INTS2: variants seen among roughly 807,000 people sequenced by gnomAD.
The protein encoded by INTS2 is KIAA1287.
INTS2 carries 57 observed loss-of-function variants against 139.6 expected under a neutral mutation model. The observed-to-expected ratio is 0.41, with a 90% CI of 0.33 to 0.51. The LOEUF (loss-of-function observed/expected upper bound fraction) is 0.51. Among genes scored for constraint, INTS2 ranks in the 20% least tolerant of loss-of-function variants. INTS2 has a pLI of 0.28. For synonymous variants in INTS2, 473 were observed against 493.4 expected (o/e 0.96, Z 0.55); for missense variants, 1,196 against 1,436.7 (o/e 0.83, Z 2.71).
intron 3 of INTS2, among the ~76,000 whole-genome samples, chr17:61,923,300 A>T (rs1031679367): frequency 3.3e-5 from 5 of 150,774 alleles, no homozygotes; most frequent in Admixed American, 1.3e-4. Context: ...ACACGGTGAA[A>T]CCCCGTCTCT....
chr17:61,869,481 G>A lies in INTS2; in HGVS notation c.3031-101C>T. ...ATTTCATTTCCTTTCTGTAAAAATT[G>A]CTCAGAAGGCTATAGTGCCCCATAT... On this transcript the variant is annotated intron_variant, in intron 21 of 24. Coordinates refer to ENST00000251334, the MANE Select transcript of INTS2 (RefSeq NM_001351695.2). The surrounding 1 kb of genome is among the most constrained non-coding windows in gnomAD (Gnocchi z 5.4). The A allele has an allele frequency of 1.0e-6, 1 of 963,466 alleles. No homozygotes were observed. The allele number at this position is 963,466 out of a possible 1,614,324, so 59.7% of individuals were successfully genotyped here.
intron 4 of INTS2, 117 bp downstream of exon 4, chr17:61,921,608 C>A: frequency 2.2e-6 from 1 of 463,694 alleles, no homozygotes; most frequent in Non-Finnish European, 3.9e-6. Context: ...CTTAAAATCA[C>A]ATAACATGTT....
At chr17:61,877,728 A>G (rs2079137995) in intron 18 of INTS2, among the ~76,000 whole-genome samples, 159 bp downstream of exon 18, 1 of 152,226 alleles carries the variant, frequency 6.6e-6, no homozygotes, top group Non-Finnish European at 1.5e-5. Flanking sequence ...TAAAGATATA[A>G]CAACTATTTA....
rs2079044030 is a variant in INTS2, at chr17:61,866,139, C to A, written c.*1418G>T. On this transcript the variant is annotated 3_prime_UTR_variant, in exon 25 of 25. Transcript: ENST00000251334. ...CAGCACTTTGGGAGGCCAAGGTGGG[C>A]AGATCACCTGAGGCCAGGAGTTCAA... 1.3e-5 allele frequency: 2 copies of A among 152,208 alleles called. No homozygotes were observed. The highest frequency in any genetic ancestry group is 4.8e-5 in the African/African-American group (2 of 41,394). 9.4% of individuals were successfully genotyped at this position (152,208 alleles called of 1,614,324 possible).
Position 61,927,903 on chromosome 17 carries a change from A to T in INTS2, c.-268T>A, listed in dbSNP as rs760461199. On this transcript the variant is annotated 5_prime_UTR_variant, in exon 1 of 25. Coordinates refer to ENST00000251334, the MANE Select transcript of INTS2 (RefSeq NM_001351695.2). ...AGAACCGGGACTGTAGGAACGGAAA[A>T]GCGGGAGACTTTTTCAACCTGCACC... 1 of 1,613,954 alleles carries T rather than the reference A, an allele frequency of 6.2e-7. No individual in the cohort carries two copies. Among genetic ancestry groups the T allele is most frequent in the Non-Finnish European group, 8.5e-7 (1 of 1,179,862 alleles).
Position 61,875,707 on chromosome 17 carries a change from A to C in INTS2, c.2457-669T>G, listed in dbSNP as rs554865167. ...AAAGAAAGCTTTTACTTTGAAAAAGATTAAAATATACAAACAGAAAAAAAG... is the reference window on the plus strand; with the variant it reads ...AAAGAAAGCTTTTACTTTGAAAAAGCTTAAAATATACAAACAGAAAAAAAG... On this transcript the variant is annotated intron_variant, in intron 18 of 24. Transcript: ENST00000251334. The surrounding 1 kb of genome is among the most constrained non-coding windows in gnomAD (Gnocchi z 4.6). 6.6e-6 allele frequency among the ~76,000 whole-genome samples: 1 copy of C among 152,180 alleles called. No homozygotes were observed. Among genetic ancestry groups the C allele is most frequent in the African/African-American group, 2.4e-5 (1 of 41,456 alleles).
At position 61,927,961 on chromosome 17, in the gene INTS2, C is replaced by A. The variant is rs749509515; in HGVS notation, c.-326G>T. On this transcript the variant is annotated 5_prime_UTR_variant, in exon 1 of 25. Transcript: ENST00000251334. ...TTCATTCATCCCCAGCGTCTGACTCCCGTCGGCCACCGTACTGGTCTGAGA... is the reference window on the plus strand; with the variant it reads ...TTCATTCATCCCCAGCGTCTGACTCACGTCGGCCACCGTACTGGTCTGAGA... 2.0e-5 allele frequency: 32 copies of A among 1,613,788 alleles called. No individual in the cohort carries two copies. Among genetic ancestry groups the A allele is most frequent in the Non-Finnish European group, 2.7e-5 (32 of 1,179,832 alleles).
chr17:61,916,518 T>G (rs2079584481), intron 5 of INTS2, among the ~76,000 whole-genome samples: 1 of 152,172 alleles, frequency 6.6e-6, no homozygotes, highest in Non-Finnish European at 1.5e-5. Flanking sequence ...CATCTGATCT[T>G]CAACAAAGTT....
Position 61,881,146 on chromosome 17 carries a change from G to A in INTS2, c.2115C>T (p.Leu705=), listed in dbSNP as rs201059683. 27 of 1,613,208 alleles carry A rather than the reference G, an allele frequency of 1.7e-5. No individual in the cohort carries two copies. The highest frequency in any genetic ancestry group is 2.1e-5 in the Non-Finnish European group (25 of 1,179,580). ...ATAAATGTGGGTAGTTAGTAGCAAGGAGACGTAGTAAAGCTGAATGCAACC... is the reference window on the plus strand; with the variant it reads ...ATAAATGTGGGTAGTTAGTAGCAAGAAGACGTAGTAAAGCTGAATGCAACC... The part of the protein sequence containing the change: ...LGGLHSALLR[L]LATNYPHLCI... The change falls in exon 17 of 25, where the codon CTC becomes CTT. Residue 705 remains leucine, a synonymous_variant. Coordinates refer to ENST00000251334, the MANE Select transcript of INTS2 (RefSeq NM_001351695.2).
Position 61,893,750 on chromosome 17 carries a change from T to C in INTS2, c.1698+15A>G, listed in dbSNP as rs748577126. 1.3e-6 allele frequency: 2 copies of C among 1,547,926 alleles called. No individual in the cohort carries two copies. The highest frequency in any genetic ancestry group is 2.3e-5 in the East Asian group (1 of 42,612). ...AGGGGCATGCTTTTATTTTGTTTTA[T>C]TTGTAGGGGCATACTTTTATTGACA... On this transcript the variant is annotated intron_variant, in intron 13 of 24. Coordinates refer to ENST00000251334, the MANE Select transcript of INTS2 (RefSeq NM_001351695.2). The surrounding 1 kb of genome is among the most constrained non-coding windows in gnomAD (Gnocchi z 5.4).
intron 13 of INTS2, 109 bp from the exon 14 acceptor site, chr17:61,891,798 C>A: frequency 1.3e-6 from 1 of 781,146 alleles, no homozygotes; most frequent in South Asian, 2.2e-5. Flanking sequence ...GTAAAACTCA[C>A]TATTAACTTT....
intron 5 of INTS2, among the ~76,000 whole-genome samples, chr17:61,914,337 A>G (rs367587583): frequency 1.3e-5 from 2 of 152,194 alleles, no homozygotes; most frequent in African/African-American, 4.8e-5. Context: ...CAAGCGGACC[A>G]CTTTAGCCCA....
chr17:61,922,352 TAGCTACTC>T (rs72435538), intron 3 of INTS2, among the ~76,000 whole-genome samples: 29,000 of 149,124 alleles, frequency 0.19, 4,914 homozygotes, highest in African/African-American at 0.45. Context: ...TCTGTAATCT[TAGCTACTC>T]AGGAGGCTGA....
chr17:61,874,757 C>A (rs1434891033), intron 19 of INTS2, among the ~76,000 whole-genome samples, 156 bp downstream of exon 19: 1 of 152,030 alleles, frequency 6.6e-6, no homozygotes, highest in East Asian at 1.9e-4. Context: ...CATGAATAAA[C>A]ACAACTAAAA....
Position 61,907,392 on chromosome 17 carries a change from T to C in INTS2, c.1181+16A>G. On this transcript the variant is annotated intron_variant, in intron 8 of 24. Coordinates refer to ENST00000251334, the MANE Select transcript of INTS2 (RefSeq NM_001351695.2). Reference sequence around the variant, plus strand: ...GGTAAAATGACAAAAAGGTAAAATATCAAACTATTGAATACTTGAGTCCAG... The same window carrying C: ...GGTAAAATGACAAAAAGGTAAAATACCAAACTATTGAATACTTGAGTCCAG... 6.5e-7 allele frequency: 1 copy of C among 1,546,002 alleles called. No homozygotes were observed. The highest frequency in any genetic ancestry group is 8.8e-7 in the Non-Finnish European group (1 of 1,139,274).
chr17:61,889,964 A>G, intron 14 of INTS2, 70 bp from the exon 15 acceptor site: 1 of 885,380 alleles, frequency 1.1e-6, no homozygotes, highest in Non-Finnish European at 1.8e-6. Context: ...TCTTGATAGT[A>G]AAAGAATCAA....
intron 5 of INTS2, among the ~76,000 whole-genome samples, chr17:61,918,930 T>G (rs941436928): frequency 1.1e-4 from 17 of 150,586 alleles, no homozygotes; most frequent in East Asian, 5.8e-4. Flanking sequence ...GGGGTTTTTT[T>G]TTTTTTTTTT....
In INTS2 at chr17:61,869,788, C is replaced by A; in HGVS notation, c.2979G>T (p.Leu993Phe). ...TGGGATCTGCAATGTACATTTGGTG[C>A]AAGAGACAACAGATAAGGCACTGAA... The part of the protein sequence containing the change: ...REVQCLICCL[L>F]HQMYIADPNI... The change falls in exon 21 of 25, where the codon TTG becomes TTT. Residue 993 changes from leucine to phenylalanine, a missense_variant. Coordinates refer to ENST00000251334, the MANE Select transcript of INTS2 (RefSeq NM_001351695.2). This position sits in a 1 kb window ranked among gnomAD's most constrained non-coding sequence, Gnocchi z 5.4. 1 of 1,613,766 alleles carries A rather than the reference C, an allele frequency of 6.2e-7. No homozygotes were observed. The highest frequency in any genetic ancestry group is 1.1e-5 in the South Asian group (1 of 91,074).
Position 61,919,467 on chromosome 17 carries a change from T to C in INTS2, c.582A>G (p.Leu194=), listed in dbSNP as rs1331857089. The stretch of plus-strand genomic sequence containing the variant: ...AGAACCAGGCACCATTTCTAACATG[T>C]AGCAAAGCTTCAGCTACATCAACTA... The part of the protein sequence containing the change: ...LPIVDVAEAL[L]HVRNGAWFLC... Residue 194 remains leucine, a synonymous_variant, in exon 5 of 25, where the codon CTA becomes CTG. Coordinates refer to ENST00000251334, the MANE Select transcript of INTS2 (RefSeq NM_001351695.2). 6.2e-7 allele frequency: 1 copy of C among 1,602,220 alleles called. No individual in the cohort carries two copies. The highest frequency in any genetic ancestry group is 1.7e-5 in the Admixed American group (1 of 58,344).
Sources: gnomAD v4.1 joint callset for allele counts (sites outside exome capture counted in the v4.1 genomes callset) on GRCh38, gnomAD v4.1.1 for gene constraint, Gnocchi (gnomAD v3.1) non-coding constraint, MANE v1.5 for transcripts, NCBI Gene and HGNC (gene_info 2026-07-23, HGNC 2026-07-21) for gene names.